MCTP1: variants seen among roughly 807,000 people sequenced by gnomAD.
The protein encoded by MCTP1 is multiple C2 and transmembrane domain containing 1.
Under a neutral mutation model 120.6 loss-of-function variants are expected in MCTP1, and 69 were observed. That is an observed-to-expected ratio of 0.57 (90% confidence interval 0.47 to 0.70). The LOEUF is 0.70. Ranked by LOEUF, MCTP1 falls within the 30% of genes least tolerant of loss-of-function variation. MCTP1 has a pLI of 0.00. For missense variants in MCTP1, 1,203 were observed against 1,248.8 expected (o/e 0.96, Z 0.55); for synonymous variants, 529 against 493.1 (o/e 1.07, Z -0.96).
chr5:94,760,929 C>T (rs574770165), intron 19 of MCTP1, among the ~76,000 whole-genome samples: 2 of 152,282 alleles, frequency 1.3e-5, no homozygotes, highest in East Asian at 1.9e-4. Context: ...AAGCAATTAT[C>T]TCGTCTCAGC....
chr5:94,945,122 T>C (rs1179932731), intron 3 of MCTP1, among the ~76,000 whole-genome samples: 3 of 152,102 alleles, frequency 2.0e-5, no homozygotes, highest in Admixed American at 1.3e-4. Flanking sequence ...ATTTCACAAA[T>C]ATGTCTTAGG....
intron 2 of MCTP1, among the ~76,000 whole-genome samples, chr5:94,997,261 G>A (rs955065136): frequency 6.6e-6 from 1 of 152,126 alleles, no homozygotes; most frequent in Non-Finnish European, 1.5e-5. Flanking sequence ...CCCCTGACAA[G>A]TGTAGGAAAG....
chr5:94,967,169 A>AT (rs992456364), intron 2 of MCTP1, among the ~76,000 whole-genome samples: 15 of 152,124 alleles, frequency 9.9e-5, no homozygotes, highest in African/African-American at 3.6e-4. Context: ...TCCCAGAAAC[A>AT]TTTTTTCTCA....
intron 19 of MCTP1, among the ~76,000 whole-genome samples, chr5:94,731,121 A>AT (rs535255133): frequency 4.5e-4 from 68 of 152,118 alleles, no homozygotes; most frequent in African/African-American, 1.5e-3. Flanking sequence ...CAAAGAACAA[A>AT]TTTTTTTTGG....
chr5:95,265,674 G>A (rs901623030), intron 1 of MCTP1, among the ~76,000 whole-genome samples: 1 of 152,170 alleles, frequency 6.6e-6, no homozygotes, highest in Non-Finnish European at 1.5e-5. Flanking sequence ...TATCTCCCAA[G>A]ACACAGGGAT....
chr5:94,975,933 G>C (rs533363499), intron 2 of MCTP1, among the ~76,000 whole-genome samples: 6 of 152,206 alleles, frequency 3.9e-5, no homozygotes, highest in Admixed American at 3.3e-4. Context: ...CTGATGTCTA[G>C]CACAACTCCT....
chr5:95,259,466 T>C (rs111240524), intron 1 of MCTP1, among the ~76,000 whole-genome samples: 1 of 152,212 alleles, frequency 6.6e-6, no homozygotes, highest in African/African-American at 2.4e-5. Context: ...AAATGGCTCC[T>C]CTAATGTTAC....
rs1358090083 is a variant in MCTP1, at chr5:95,074,251, G to A, written c.721-56767C>T. On this transcript the variant is annotated intron_variant, in intron 1 of 22. Coordinates refer to ENST00000515393, the MANE Select transcript of MCTP1 (RefSeq NM_024717.7). The stretch of plus-strand genomic sequence containing the variant: ...GAATCTGCTATACCATGCAGTTGAA[G>A]AGTCACTATCCCGTAAGGTGAAGGC... 2.0e-5 allele frequency among the ~76,000 whole-genome samples: 3 copies of A among 152,236 alleles called. No homozygotes were observed. In the East Asian group the frequency reaches 5.8e-4, roughly 29 times the overall value.
chr5:95,092,414 A>G (rs1562136418), intron 1 of MCTP1, among the ~76,000 whole-genome samples: 1 of 152,240 alleles, frequency 6.6e-6, no homozygotes, highest in East Asian at 1.9e-4. Context: ...GATAGGAGGA[A>G]TACGTTCTAG....
chr5:94,954,169 C>CATGTATATATATGCATATATATAT (rs1821857105), intron 2 of MCTP1, among the ~76,000 whole-genome samples: 3 of 80,042 alleles, frequency 3.7e-5, no homozygotes, highest in African/African-American at 5.7e-5. Flanking sequence ...CATATATATA[C>CATGTATATATATGCATATATATAT]ATATATATAT....
At chr5:94,973,846 G>A (rs1337314530) in intron 2 of MCTP1, among the ~76,000 whole-genome samples, 2 of 151,982 alleles carry the variant, frequency 1.3e-5, no homozygotes, top group Non-Finnish European at 2.9e-5. Flanking sequence ...TTCACAGTTC[G>A]ACCTCCAAGT....
intron 17 of MCTP1, among the ~76,000 whole-genome samples, chr5:94,831,180 T>C (rs1422850360): frequency 2.0e-5 from 3 of 152,168 alleles, no homozygotes; most frequent in African/African-American, 4.8e-5. Flanking sequence ...GATTGGAGAC[T>C]GAGAGTTAAG....
At chr5:95,256,211 A>C (rs144177459) in intron 1 of MCTP1, among the ~76,000 whole-genome samples, 26 of 152,338 alleles carry the variant, frequency 1.7e-4, no homozygotes, top group African/African-American at 5.8e-4. Context: ...AAAATGAAAA[A>C]AAGAATAAGG....
intron 1 of MCTP1, among the ~76,000 whole-genome samples, chr5:95,255,632 G>A (rs891022766): frequency 6.6e-6 from 1 of 151,996 alleles, no homozygotes; most frequent in African/African-American, 2.4e-5. Flanking sequence ...AACTGAGAAG[G>A]GCTGATGTTA....
chr5:95,105,121 A>G (rs1171186134), intron 1 of MCTP1, among the ~76,000 whole-genome samples: 2 of 152,216 alleles, frequency 1.3e-5, no homozygotes, highest in Admixed American at 6.5e-5. Flanking sequence ...GGATAGTGCC[A>G]ATGAAGGAAA....
At chr5:94,947,595 G>GAC (rs1819399976) in intron 3 of MCTP1, among the ~76,000 whole-genome samples, 1 of 80,532 alleles carries the variant, frequency 1.2e-5, no homozygotes, top group Non-Finnish European at 2.7e-5. Flanking sequence ...GAGAGAGAGA[G>GAC]AGAGAGAGAG....
chr5:95,244,806 T>C (rs1249639356), intron 1 of MCTP1, among the ~76,000 whole-genome samples: 1 of 152,076 alleles, frequency 6.6e-6, no homozygotes, highest in African/African-American at 2.4e-5. Flanking sequence ...GATGTAAACG[T>C]CCCCATCTGA....
chr5:94,939,121 A>G (rs1219775070), intron 5 of MCTP1, among the ~76,000 whole-genome samples: 1 of 151,846 alleles, frequency 6.6e-6, no homozygotes, highest in Non-Finnish European at 1.5e-5. Flanking sequence ...GGAGAGAAAT[A>G]CTTCTTGAAA....
Position 95,167,516 on chromosome 5 carries a change from G to A in MCTP1, c.720+116340C>T, listed in dbSNP as rs564830054. Among the ~76,000 whole-genome samples, 323 of 152,284 alleles carry A rather than the reference G, an allele frequency of 2.1e-3. 1 individual carries two copies. The highest frequency in any genetic ancestry group is 7.4e-3 in the African/African-American group (306 of 41,546). On this transcript the variant is annotated intron_variant, in intron 1 of 22. Transcript: ENST00000515393. ...TCCACAATGGTCAAACTAGTTTACA[G>A]TCCCACCAACAGTGTAAAAGTGTTC...
Sources: gnomAD v4.1 joint callset for allele counts (sites outside exome capture counted in the v4.1 genomes callset) on GRCh38, gnomAD v4.1.1 for gene constraint, MANE v1.5 for transcripts, NCBI Gene and HGNC (gene_info 2026-07-23, HGNC 2026-07-21) for gene names.